The following CIITA variants were observed in gnomAD, a reference collection of about 807,000 sequenced individuals.
CIITA encodes class II major histocompatibility complex transactivator.
Under a neutral mutation model 115.1 loss-of-function variants are expected in CIITA, and 72 were observed. The observed-to-expected ratio is 0.63, with a 90% confidence interval of 0.52 to 0.76. CIITA has a LOEUF of 0.76. Among genes scored for constraint, CIITA ranks in the 30% least tolerant of loss-of-function variants. The pLI, the probability that CIITA is intolerant of heterozygous loss-of-function variation, is 0.00. For missense variants in CIITA, 1,617 were observed against 1,463.8 expected (o/e 1.10, Z -1.71); for synonymous variants, 763 against 635.6 (o/e 1.20, Z -3.02).
intron 16 of CIITA, 53 bp downstream of exon 16, chr16:10,918,579 G>A (rs2040091549): frequency 1.2e-5 from 18 of 1,508,566 alleles, no homozygotes; most frequent in East Asian, 2.3e-5. Context: ...GCTGCAGAGC[G>A]CAGGGAACCC....
chr16:10,867,323 TG>T (rs138873735), intron 1 of CIITA, among the ~76,000 whole-genome samples: 1,852 of 142,788 alleles, frequency 0.013, 51 homozygotes, highest in African/African-American at 0.044. Flanking sequence ...CTGTGTGTGT[TG>T]GGGGGGGGCA....
At chr16:10,870,038 G>A (rs2035370030) in intron 1 of CIITA, among the ~76,000 whole-genome samples, 1 of 151,454 alleles carries the variant, frequency 6.6e-6, no homozygotes, top group African/African-American at 2.4e-5. Context: ...GATAGTTCAT[G>A]TAATGCCATT....
intron 16 of CIITA, among the ~76,000 whole-genome samples, chr16:10,919,503 C>CTTAT (rs55706326): frequency 0.046 from 6,808 of 149,292 alleles, 489 homozygotes; most frequent in African/African-American, 0.15. Flanking sequence ...GCCCGGCCAA[C>CTTAT]TTATTTATTT....
At position 10,877,280 on chromosome 16, in the gene CIITA, G is replaced by C. The variant is rs745812324; in HGVS notation, c.-51G>C. ...ATCCTTGGGGAAGCTGAGGGCACGA[G>C]GAGGGGCTGCCAGACTCCGGGAGCT... On this transcript the variant is annotated 5_prime_UTR_variant, in exon 1 of 20. Coordinates refer to ENST00000324288, the MANE Select transcript of CIITA (RefSeq NM_000246.4). 11 of 1,584,528 alleles carry C rather than the reference G, an allele frequency of 6.9e-6. No homozygotes were observed. In the South Asian group the frequency reaches 1.1e-4, roughly 16 times the overall value.
At chr16:10,903,586 C>T in intron 8 of CIITA, 145 bp from the exon 9 acceptor site, 1 of 883,092 alleles carries the variant, frequency 1.1e-6, no homozygotes, top group East Asian at 2.6e-5. Flanking sequence ...TCAGCTCTGT[C>T]CTGAAATATC....
intron 16 of CIITA, among the ~76,000 whole-genome samples, chr16:10,919,384 A>G (rs2040147129): frequency 6.6e-6 from 1 of 152,184 alleles, no homozygotes; most frequent in East Asian, 1.9e-4. Context: ...TTTAGTAGAG[A>G]CAGGGTTTCG....
intron 5 of CIITA, among the ~76,000 whole-genome samples, 200 bp downstream of exon 5, chr16:10,899,202 C>T (rs757025208): frequency 2.2e-4 from 34 of 152,214 alleles, no homozygotes; most frequent in African/African-American, 8.0e-4. Context: ...CTACAAAATA[C>T]ATGCCACAAG....
chr16:10,895,744 G>C lies in CIITA; in HGVS notation c.275G>C (p.Arg92Thr), dbSNP rs2038062995. Reference sequence around the variant, plus strand: ...GACATGGAAGGTGATGAAGAGACCAGGGAGGCTTATGCCAATATCGGTGAG... The same window carrying C: ...GACATGGAAGGTGATGAAGAGACCACGGAGGCTTATGCCAATATCGGTGAG... ...LCDMEGDEET[R>T]EAYANIAELD... Residue 92 changes from arginine (R) to threonine (T), a missense_variant, in exon 3 of 20, where the codon AGG (arginine) becomes ACG (threonine). Physicochemically the swap from Arg to Thr is moderately conservative, Grantham distance 71. Coordinates refer to ENST00000324288, the MANE Select transcript of CIITA (RefSeq NM_000246.4). The C allele has an allele frequency of 1.2e-6, 2 of 1,614,004 alleles. No homozygotes were observed. Among genetic ancestry groups the C allele is most frequent in the East Asian group, 4.5e-5 (2 of 44,886 alleles).
chr16:10,912,307 T>A (rs941772631), intron 13 of CIITA, among the ~76,000 whole-genome samples: 5 of 152,202 alleles, frequency 3.3e-5, no homozygotes, highest in Non-Finnish European at 7.3e-5. Flanking sequence ...AGAGACGGGC[T>A]TTAACCATGT....
Position 10,904,362 on chromosome 16 carries a change from C to G in CIITA, c.938-382C>G, listed in dbSNP as rs140724024. Among the ~76,000 whole-genome samples the G allele has an allele frequency of 9.9e-5, 15 of 152,258 alleles. No individual in the cohort carries two copies. In the East Asian group the frequency reaches 2.9e-3, roughly 29 times the overall value. Reference sequence around the variant, plus strand: ...TCAGCCTCCGGAGCAGCTGGAATTACAGGTGTGCACCGTCACACCCAGCCA... The same window carrying G: ...TCAGCCTCCGGAGCAGCTGGAATTAGAGGTGTGCACCGTCACACCCAGCCA... On this transcript the variant is annotated intron_variant, in intron 9 of 19. Coordinates refer to ENST00000324288, the MANE Select transcript of CIITA (RefSeq NM_000246.4).
intron 13 of CIITA, among the ~76,000 whole-genome samples, chr16:10,913,955 A>AAATAAATG (rs2039770554): frequency 7.4e-6 from 1 of 135,472 alleles, no homozygotes; most frequent in South Asian, 2.5e-4. Context: ...ATAAATAAAT[A>AAATAAATG]AATAAATAAA....
At position 10,902,747 on chromosome 16, in the gene CIITA, C is replaced by G; in HGVS notation, c.718C>G (p.Leu240Val). 6.2e-7 allele frequency: 1 copy of G among 1,614,232 alleles called. No homozygotes were observed. The highest frequency in any genetic ancestry group is 1.6e-4 in the Middle Eastern group (1 of 6,062). Residue 240 changes from leucine to valine, a missense_variant, in exon 8 of 20, where the codon CTC (leucine) becomes GTC (valine). Physicochemically the swap from Leu to Val is conservative, Grantham distance 32. Coordinates refer to ENST00000324288, the MANE Select transcript of CIITA (RefSeq NM_000246.4). ...CACCATCTCCACTCTGCCCCATGGG[C>G]TCTGGCAAATCTCTGAGGCTGGAAC... is the stretch of plus-strand genomic sequence containing the variant. Reference protein sequence around the residue: ...VPTISTLPHGLWQISEAGTGV... With the variant: ...VPTISTLPHGVWQISEAGTGV...
At chr16:10,909,230 TTG>T in intron 12 of CIITA, 43 bp downstream of exon 12, 3 of 1,604,560 alleles carry the variant, frequency 1.9e-6, no homozygotes, top group Non-Finnish European at 2.6e-6. Flanking sequence ...GCCATGCAGG[TTG>T]AGGACATGTA....
At chr16:10,910,332 C>T (rs1377094076) in intron 13 of CIITA, 73 bp downstream of exon 13, 1 of 1,246,844 alleles carries the variant, frequency 8.0e-7, no homozygotes, top group Non-Finnish European at 1.2e-6. Context: ...GCTTGTACCA[C>T]CTGAATGGAG....
intron 18 of CIITA, among the ~76,000 whole-genome samples, chr16:10,922,697 T>A (rs2040340394): frequency 6.6e-6 from 1 of 152,188 alleles, no homozygotes; most frequent in African/African-American, 2.4e-5. Flanking sequence ...AGGCTTAAAC[T>A]AATCAAGCCC....
chr16:10,938,952 A>G (rs934147066), downstream of CIITA: 3 of 152,234 alleles, frequency 2.0e-5, no homozygotes, highest in African/African-American at 7.2e-5. This position sits in a 1 kb window ranked among gnomAD's most constrained non-coding sequence, Gnocchi z 4.9. Context: ...AAGAGATAAA[A>G]TAAGACGTTC....
At position 10,902,333 on chromosome 16, in the gene CIITA, C is replaced by T. The variant is rs187036732; in HGVS notation, c.628+149C>T. 118 of 1,199,510 alleles carry T rather than the reference C, an allele frequency of 9.8e-5. 1 individual carries two copies. In the East Asian group the frequency reaches 3.0e-3, roughly 30 times the overall value. 74.3% of individuals were successfully genotyped at this position (1,199,510 alleles called of 1,614,324 possible). A position where few individuals can be genotyped will look rare whatever the true frequency, so the allele number is the denominator to read the frequency against. ...CACCTCTGCCCCAGCCAGTTTTATC[C>T]TTGGGGCCCCCGTCAGCTCAATCCC... On this transcript the variant is annotated intron_variant, in intron 7 of 19. Coordinates refer to ENST00000324288, the MANE Select transcript of CIITA (RefSeq NM_000246.4).
intron 1 of CIITA, among the ~76,000 whole-genome samples, chr16:10,877,991 G>A (rs912511447): frequency 3.3e-5 from 5 of 152,200 alleles, no homozygotes; most frequent in African/African-American, 7.2e-5. Flanking sequence ...TGGCTGGGAA[G>A]GGTGTGCCCC....
rs762875120 is a variant in CIITA at position 10,935,259 on chromosome 16, T to C, written c.*11404T>C. ...ACCCTAAGTAACAAGGAATCACATA[T>C]AGTGAGCAAGCAATTTGCTTTTCAG... On this transcript the variant is annotated 3_prime_UTR_variant, in exon 20 of 20. Coordinates refer to ENST00000324288, the MANE Select transcript of CIITA (RefSeq NM_000246.4). The C allele has an allele frequency of 5.3e-5, 8 of 152,226 alleles. No homozygotes were observed. The highest frequency in any genetic ancestry group is 1.3e-4 in the Admixed American group (2 of 15,290). The allele number at this position is 152,226 out of a possible 1,614,324, so 9.4% of individuals were successfully genotyped here.
Sources: gnomAD v4.1 joint callset for allele counts (sites outside exome capture counted in the v4.1 genomes callset) on GRCh38, gnomAD v4.1.1 for gene constraint, Gnocchi (gnomAD v3.1) non-coding constraint, MANE v1.5 for transcripts, NCBI Gene and HGNC (gene_info 2026-07-23, HGNC 2026-07-21) for gene names.